Variants in GALNT13 observed in about 807,000 individuals in gnomAD.
The protein encoded by GALNT13 is polypeptide N-acetylgalactosaminyltransferase 13.
GALNT13 carries 28 observed loss-of-function variants against 64.2 expected under a neutral mutation model. The observed-to-expected ratio is 0.44, with a 90% CI of 0.32 to 0.60. The LOEUF (loss-of-function observed/expected upper bound fraction) is 0.60. GALNT13 is among the 20% of genes least tolerant of loss of function. GALNT13 has a pLI of 0.05. For missense variants in GALNT13, 577 were observed against 669.8 expected (o/e 0.86, Z 1.53); for synonymous variants, 214 against 224.6 (o/e 0.95, Z 0.42).
intron 3 of GALNT13, among the ~76,000 whole-genome samples, chr2:153,965,327 A>G (rs1574222967): frequency 1.3e-5 from 2 of 152,116 alleles, no homozygotes; most frequent in East Asian, 1.9e-4. Context: ...CTCATTAACT[A>G]ATTTTTCTTT....
At chr2:154,372,591 A>G (rs1697761084) in intron 9 of GALNT13, among the ~76,000 whole-genome samples, 1 of 152,130 alleles carries the variant, frequency 6.6e-6, no homozygotes, top group Non-Finnish European at 1.5e-5. Context: ...ACAGCCATTG[A>G]AATATTTACA....
chr2:154,385,154 C>T (rs1375884220), intron 9 of GALNT13, among the ~76,000 whole-genome samples: 3 of 151,936 alleles, frequency 2.0e-5, no homozygotes, highest in Admixed American at 6.6e-5. Context: ...ATCTAACTAG[C>T]TTCCTGCAGC....
At chr2:153,418,185 G>A in the GALNT13 span, among the ~76,000 whole-genome samples, 2 of 152,172 alleles carry the variant, frequency 1.3e-5, no homozygotes, top group Non-Finnish European at 2.9e-5. Context: ...GATGACAGAA[G>A]CAGAGGTCAG....
At chr2:154,113,179 G>T (rs957145278) in intron 3 of GALNT13, among the ~76,000 whole-genome samples, 2 of 151,880 alleles carry the variant, frequency 1.3e-5, no homozygotes, top group Non-Finnish European at 2.9e-5. Flanking sequence ...AGATGGCATG[G>T]CCTTGCTCTA....
chr2:154,152,516 T>A (rs1684107266), intron 4 of GALNT13, among the ~76,000 whole-genome samples: 1 of 152,194 alleles, frequency 6.6e-6, no homozygotes, highest in Admixed American at 6.5e-5. Context: ...GATAATATCC[T>A]GCAGAGTGTT....
At chr2:154,186,558 C>G (rs1686262954) in intron 4 of GALNT13, among the ~76,000 whole-genome samples, 3 of 152,066 alleles carry the variant, frequency 2.0e-5, no homozygotes, top group Admixed American at 1.3e-4. Flanking sequence ...GATTTTACAT[C>G]ATCAGTACAA....
chr2:153,571,658 G>A, the GALNT13 span, among the ~76,000 whole-genome samples: 34,427 of 151,772 alleles, frequency 0.23, 4,343 homozygotes, highest in Admixed American at 0.38. Context: ...TAACATCAAG[G>A]GATGTTTAAT....
chr2:153,309,339 G>C, the GALNT13 span, among the ~76,000 whole-genome samples: 3 of 152,120 alleles, frequency 2.0e-5, no homozygotes, highest in African/African-American at 7.2e-5. Flanking sequence ...TGGGTTCCCA[G>C]AATTACCTTT....
the GALNT13 span, among the ~76,000 whole-genome samples, chr2:153,614,523 A>G: frequency 6.6e-6 from 1 of 152,054 alleles, no homozygotes; most frequent in East Asian, 1.9e-4. Flanking sequence ...AGTCAGAGAA[A>G]GTGGGTCAGC....
chr2:153,968,760 C>A (rs974758749), intron 3 of GALNT13, among the ~76,000 whole-genome samples: 2 of 152,066 alleles, frequency 1.3e-5, no homozygotes, highest in African/African-American at 4.8e-5. Flanking sequence ...TTGAGAGAAA[C>A]TTTCACTGCT....
the GALNT13 span, among the ~76,000 whole-genome samples, chr2:153,701,970 C>A: frequency 2.0e-5 from 3 of 152,078 alleles, no homozygotes. Flanking sequence ...CCCAGTAATC[C>A]CATTACTGGG....
At chr2:153,259,337 T>C in the GALNT13 span, among the ~76,000 whole-genome samples, 1 of 152,208 alleles carries the variant, frequency 6.6e-6, no homozygotes, top group African/African-American at 2.4e-5. Context: ...GTATGTTTCT[T>C]ATAAGAACAG....
At chr2:153,824,065 A>G in the GALNT13 span, among the ~76,000 whole-genome samples, 1 of 152,220 alleles carries the variant, frequency 6.6e-6, no homozygotes, top group Admixed American at 6.5e-5. Flanking sequence ...AACCACAATG[A>G]GACATTATCT....
At chr2:153,721,627 C>A in the GALNT13 span, among the ~76,000 whole-genome samples, 161 of 149,472 alleles carry the variant, frequency 1.1e-3, no homozygotes, top group African/African-American at 1.7e-3. Context: ...TCTACCAAGC[C>A]AATGGAAAAC....
chr2:153,688,586 T>C, the GALNT13 span, among the ~76,000 whole-genome samples: 1 of 152,004 alleles, frequency 6.6e-6, no homozygotes, highest in Non-Finnish European at 1.5e-5. Context: ...GGTTTTTCTC[T>C]TGTTCTTTGA....
chr2:153,071,746 C>A, the GALNT13 span, among the ~76,000 whole-genome samples: 5 of 152,228 alleles, frequency 3.3e-5, no homozygotes, highest in Non-Finnish European at 7.3e-5. Context: ...AACTGTGGCT[C>A]TTGAGCCAAA....
intron 1 of GALNT13, among the ~76,000 whole-genome samples, chr2:153,896,195 C>T (rs1259919139): frequency 6.7e-6 from 1 of 149,058 alleles, no homozygotes; most frequent in Non-Finnish European, 1.5e-5. Flanking sequence ...AACCTTTTGT[C>T]TTTTTTCTTT....
chr2:154,057,108 C>A (rs1190191343), intron 3 of GALNT13, among the ~76,000 whole-genome samples: 5 of 152,086 alleles, frequency 3.3e-5, no homozygotes, highest in Non-Finnish European at 7.3e-5. Flanking sequence ...TGGCTCACTG[C>A]AACTTCCGTC....
the GALNT13 span, among the ~76,000 whole-genome samples, chr2:153,359,630 C>CAAAAAAAAAAAAAAAAAAAAAAAAAAA: frequency 3.4e-4 from 13 of 38,240 alleles, no homozygotes; most frequent in African/African-American, 5.0e-4. Context: ...CAGCTTTCAG[C>CAAAAAAAAAAAAAAAAAAAAAAAAAAA]AAAAAAAAAA....
Sources: gnomAD v4.1 joint callset for allele counts (sites outside exome capture counted in the v4.1 genomes callset) on GRCh38, gnomAD v4.1.1 for gene constraint, MANE v1.5 for transcripts, NCBI Gene and HGNC (gene_info 2026-07-23, HGNC 2026-07-21) for gene names.